The following CTNNA3 variants were observed in gnomAD, a reference collection of about 807,000 sequenced individuals.
The protein encoded by CTNNA3 is catenin alpha 3.
CTNNA3 carries 76 observed loss-of-function variants against 95.7 expected under a neutral mutation model. The ratio of observed to expected loss-of-function variants is 0.79; its 90% CI spans 0.66 to 0.96. The LOEUF is 0.96. Ranked by LOEUF, CTNNA3 falls within the 40% of genes least tolerant of loss-of-function variation. The probability of loss-of-function intolerance (pLI) is 0.00; values close to 1 mark genes in which losing one functional copy is unlikely to be tolerated. For missense variants in CTNNA3, 1,191 were observed against 1,089.8 expected (o/e 1.09, Z -1.31); for synonymous variants, 431 against 374.4 (o/e 1.15, Z -1.74).
chr10:66,451,135 T>C (rs1211529927), intron 11 of CTNNA3, among the ~76,000 whole-genome samples: 3 of 152,168 alleles, frequency 2.0e-5, no homozygotes. Context: ...ATTGCCTTCG[T>C]GTGATAGTCT....
chr10:65,961,525 A>G lies in CTNNA3; in HGVS notation c.2400+5087T>C, dbSNP rs2077842961. Among the ~76,000 whole-genome samples the G allele has an allele frequency of 2.0e-5, 3 of 152,108 alleles. No individual in the cohort carries two copies. In the South Asian group the frequency reaches 6.2e-4, roughly 32 times the overall value. On this transcript the variant is annotated intron_variant, in intron 17 of 17. Transcript: ENST00000433211. ...TAGTCTAGAGGGGAATATGTGCAAA[A>G]ATATGACTATGATATGTGTACTGCT... is the stretch of plus-strand genomic sequence containing the variant.
At chr10:67,714,105 A>C (rs984986994) in intron 1 of CTNNA3, among the ~76,000 whole-genome samples, 1 of 152,192 alleles carries the variant, frequency 6.6e-6, no homozygotes, top group African/African-American at 2.4e-5. Context: ...GAAATGTGGG[A>C]CTGGAGCCCC....
intron 9 of CTNNA3, among the ~76,000 whole-genome samples, chr10:66,684,387 C>T (rs953916668): frequency 6.6e-6 from 1 of 152,064 alleles, no homozygotes; most frequent in African/African-American, 2.4e-5. Flanking sequence ...AAAATGGGAC[C>T]TAATCATTCT....
At chr10:67,677,989 C>T (rs953331618) in intron 1 of CTNNA3, among the ~76,000 whole-genome samples, 1 of 152,110 alleles carries the variant, frequency 6.6e-6, no homozygotes, top group African/African-American at 2.4e-5. Flanking sequence ...AGATACTTGT[C>T]CTTCACTTTA....
At chr10:66,632,734 A>G (rs1350447663) in intron 9 of CTNNA3, among the ~76,000 whole-genome samples, 1 of 152,034 alleles carries the variant, frequency 6.6e-6, no homozygotes, top group Non-Finnish European at 1.5e-5. Context: ...ATTACTACAT[A>G]AAAAATTTTA....
At chr10:66,618,103 G>C (rs925321851) in intron 10 of CTNNA3, among the ~76,000 whole-genome samples, 1 of 152,124 alleles carries the variant, frequency 6.6e-6, no homozygotes, top group Non-Finnish European at 1.5e-5. Flanking sequence ...TCATGGATAG[G>C]AAGAATCAAT....
intron 5 of CTNNA3, among the ~76,000 whole-genome samples, chr10:67,242,952 T>TA (rs1865771622): frequency 6.6e-6 from 1 of 152,226 alleles, no homozygotes; most frequent in African/African-American, 2.4e-5. Context: ...TTAAATGATT[T>TA]AATGTCAAAG....
At chr10:67,583,492 T>A (rs1268732251) in intron 3 of CTNNA3, among the ~76,000 whole-genome samples, 1 of 152,188 alleles carries the variant, frequency 6.6e-6, no homozygotes, top group African/African-American at 2.4e-5. Context: ...GCCCTTAACA[T>A]TTTTTCCTTC....
At chr10:66,986,781 A>G (rs1047862090) in intron 7 of CTNNA3, among the ~76,000 whole-genome samples, 1 of 152,178 alleles carries the variant, frequency 6.6e-6, no homozygotes, top group African/African-American at 2.4e-5. Context: ...CATGGCAGTT[A>G]AATAACACAT....
intron 1 of CTNNA3, among the ~76,000 whole-genome samples, chr10:67,717,095 T>C (rs1052786075): frequency 3.3e-5 from 5 of 152,140 alleles, no homozygotes; most frequent in African/African-American, 1.2e-4. Context: ...TTTTTTCACA[T>C]GTTTGTTGGC....
At chr10:66,098,292 A>T in intron 14 of CTNNA3, among the ~76,000 whole-genome samples, 1 of 152,186 alleles carries the variant, frequency 6.6e-6, no homozygotes, top group East Asian at 1.9e-4. Flanking sequence ...TCCAGTTTAC[A>T]AGTGTGCTGT....
intron 9 of CTNNA3, among the ~76,000 whole-genome samples, chr10:66,748,283 C>T (rs1838971140): frequency 6.6e-6 from 1 of 152,186 alleles, no homozygotes; most frequent in South Asian, 2.1e-4. Context: ...CAGACATTTT[C>T]ACTGACTTCA....
intron 10 of CTNNA3, among the ~76,000 whole-genome samples, chr10:66,566,473 A>T (rs2132149628): frequency 6.6e-6 from 1 of 152,364 alleles, no homozygotes; most frequent in Non-Finnish European, 1.5e-5. Flanking sequence ...CATAATTGAA[A>T]TAATCACGTC....
intron 7 of CTNNA3, among the ~76,000 whole-genome samples, chr10:67,121,981 CAA>C (rs370358378): frequency 6.4e-5 from 3 of 47,150 alleles, no homozygotes; most frequent in Non-Finnish European, 1.3e-4. Context: ...TTATTCTGAG[CAA>C]AAAAAAAAAA....
intron 1 of CTNNA3, 109 bp from the exon 2 acceptor site, chr10:67,647,627 G>A (rs567277805): frequency 2.6e-6 from 2 of 771,722 alleles, no homozygotes; most frequent in African/African-American, 3.4e-5. Flanking sequence ...ACCTCTTCCT[G>A]ATATCAACCA....
chr10:66,642,393 C>T (rs1300828633), intron 9 of CTNNA3, among the ~76,000 whole-genome samples: 1 of 151,684 alleles, frequency 6.6e-6, no homozygotes, highest in Non-Finnish European at 1.5e-5. Context: ...CACAGAAAAT[C>T]AGCAGGTCAG....
At chr10:67,523,669 G>A (rs1385583389) in intron 4 of CTNNA3, among the ~76,000 whole-genome samples, 1 of 152,100 alleles carries the variant, frequency 6.6e-6, no homozygotes, top group Admixed American at 6.5e-5. Flanking sequence ...CCAAAGGACA[G>A]GAAGTCTTTT....
At chr10:66,044,059 G>A (rs1043673679) in intron 15 of CTNNA3, among the ~76,000 whole-genome samples, 1 of 151,876 alleles carries the variant, frequency 6.6e-6, no homozygotes, top group Non-Finnish European at 1.5e-5. Context: ...GCAGTGGTGC[G>A]ATATTGGCTC....
chr10:66,266,014 A>T (rs1175811533), intron 13 of CTNNA3, among the ~76,000 whole-genome samples: 1 of 151,546 alleles, frequency 6.6e-6, no homozygotes, highest in African/African-American at 2.4e-5. Flanking sequence ...AAATGGATAA[A>T]AGAAAAAGAA....
Sources: allele counts gnomAD v4.1 joint callset (sites outside exome capture counted in the v4.1 genomes callset), GRCh38; gene constraint gnomAD v4.1.1; transcripts MANE v1.5; gene names NCBI Gene and HGNC (gene_info 2026-07-23, HGNC 2026-07-21).